PACRG: variants seen among roughly 807,000 people sequenced by gnomAD.
PACRG encodes the protein parkin coregulated, also known as parkin coregulated gene protein.
PACRG carries 29 observed loss-of-function variants against 29.7 expected under a neutral mutation model. That is an observed-to-expected ratio of 0.98 (90% confidence interval 0.73 to 1.33). PACRG has a LOEUF of 1.33. Ranked by LOEUF, PACRG falls within the 40% of genes most tolerant of loss-of-function variation. PACRG has a pLI of 0.00. For synonymous variants in PACRG, 116 were observed against 118.7 expected, an observed-to-expected ratio of 0.98 and a Z score of 0.15; for missense variants, 279 against 316.2, an observed-to-expected ratio of 0.88 and a Z score of 0.89.
At chr6:163,183,137 A>G (rs1779752031) in intron 4 of PACRG, 1 of 152,206 alleles carries the variant, frequency 6.6e-6, no homozygotes, top group East Asian at 1.9e-4. Context: ...GAAGGTATGA[A>G]GGCAAACATT....
intron 2 of PACRG, among the ~76,000 whole-genome samples, chr6:163,031,063 G>A (rs1219279120): frequency 6.6e-6 from 1 of 152,174 alleles, no homozygotes; most frequent in Non-Finnish European, 1.5e-5. Context: ...TCAGGGTAGA[G>A]AGGAGCTCAG....
At chr6:162,782,524 A>AT (rs1192685900) in intron 1 of PACRG, among the ~76,000 whole-genome samples, 5 of 151,950 alleles carry the variant, frequency 3.3e-5, no homozygotes, top group Non-Finnish European at 5.9e-5. Context: ...ATTTTAGATG[A>AT]TTTTTTCTTT....
At chr6:162,947,472 T>TCATATATATAATCATATATAATC (rs1554313124) in intron 2 of PACRG, among the ~76,000 whole-genome samples, 1 of 104,038 alleles carries the variant, frequency 9.6e-6, no homozygotes, top group Non-Finnish European at 1.9e-5. Context: ...TCATATATAA[T>TCATATATATAATCATATATAATC]ATATATATAA....
intron 4 of PACRG, among the ~76,000 whole-genome samples, chr6:163,107,064 T>G (rs1815422269): frequency 6.6e-6 from 1 of 152,098 alleles, no homozygotes; most frequent in African/African-American, 2.4e-5. Context: ...TGAATGTTTA[T>G]CTTGAGAGAA....
rs148151063 is a variant in PACRG at position 162,936,121 on chromosome 6, G to C, written c.291+121840G>C. Among the ~76,000 whole-genome samples, 639 of 152,254 alleles carry C rather than the reference G, an allele frequency of 4.2e-3. 3 individuals carry two copies. The highest frequency in any genetic ancestry group is 7.2e-3 in the Non-Finnish European group (493 of 68,030). The stretch of plus-strand genomic sequence containing the variant: ...CTGCAAGAGAGAGAATGAGAGTCAA[G>C]CTAAAGGGGTTTCCCCTTATAAAAC... On this transcript the variant is annotated intron_variant, in intron 2 of 4. Coordinates refer to ENST00000366888, the MANE Select transcript of PACRG (RefSeq NM_001080379.2).
At chr6:162,976,725 A>G (rs1801992200) in intron 2 of PACRG, among the ~76,000 whole-genome samples, 1 of 152,222 alleles carries the variant, frequency 6.6e-6, no homozygotes, top group Non-Finnish European at 1.5e-5. Context: ...TCTATAAAAC[A>G]ATATTTTCTT....
chr6:163,022,528 C>T (rs141375367), intron 2 of PACRG, among the ~76,000 whole-genome samples: 2,658 of 152,274 alleles, frequency 0.017, 38 homozygotes, highest in Non-Finnish European at 0.028. Context: ...GGAGTTCTGA[C>T]GAGGAGCAGC....
chr6:162,803,330 G>T (rs1020000696), intron 1 of PACRG, among the ~76,000 whole-genome samples: 10 of 152,166 alleles, frequency 6.6e-5, no homozygotes, highest in African/African-American at 2.4e-4. Context: ...TGTGACTAAT[G>T]CTTGAAGGGC....
chr6:163,092,085 T>G (rs1457157458), intron 4 of PACRG, among the ~76,000 whole-genome samples: 3 of 152,242 alleles, frequency 2.0e-5, no homozygotes, highest in Non-Finnish European at 4.4e-5. Context: ...TACAAAATTC[T>G]TTTTAGAATG....
intron 4 of PACRG, among the ~76,000 whole-genome samples, chr6:163,090,553 C>A (rs1814005499): frequency 6.6e-6 from 1 of 152,072 alleles, no homozygotes; most frequent in Non-Finnish European, 1.5e-5. Flanking sequence ...ATAATTGAGT[C>A]TCTTATTGTT....
chr6:162,953,727 C>G (rs955071601), intron 2 of PACRG, among the ~76,000 whole-genome samples: 1 of 149,388 alleles, frequency 6.7e-6, no homozygotes, highest in Non-Finnish European at 1.5e-5. Context: ...ATTTCTCTCT[C>G]TTATTGTTCC....
intron 2 of PACRG, among the ~76,000 whole-genome samples, chr6:162,948,288 T>G (rs975851633): frequency 1.3e-5 from 2 of 151,986 alleles, no homozygotes; most frequent in Admixed American, 6.6e-5. Context: ...ACAACATACA[T>G]AGGGGGAAAA....
chr6:163,140,124 T>C (rs1021395091), intron 4 of PACRG, among the ~76,000 whole-genome samples: 2 of 152,168 alleles, frequency 1.3e-5, no homozygotes, highest in Admixed American at 1.3e-4. Context: ...TCTATACACG[T>C]AGACCAAGCT....
At chr6:163,074,525 T>G (rs1228193044) in intron 3 of PACRG, among the ~76,000 whole-genome samples, 2 of 152,148 alleles carry the variant, frequency 1.3e-5, no homozygotes, top group Non-Finnish European at 2.9e-5. Context: ...GAAAACGACT[T>G]AATCATTCAT....
intron 4 of PACRG, among the ~76,000 whole-genome samples, chr6:163,263,846 G>T (rs1021436700): frequency 2.0e-5 from 3 of 152,138 alleles, no homozygotes; most frequent in Non-Finnish European, 1.5e-5. Flanking sequence ...TAAATAAGAA[G>T]CCTGACGTTA....
chr6:163,290,443 G>T (rs929211852), intron 4 of PACRG, among the ~76,000 whole-genome samples: 2 of 152,158 alleles, frequency 1.3e-5, no homozygotes, highest in African/African-American at 4.8e-5. Context: ...AAGTATTGCT[G>T]CCCCTGCGCC....
chr6:162,832,027 A>T (rs1788817350), intron 2 of PACRG, among the ~76,000 whole-genome samples: 1 of 152,184 alleles, frequency 6.6e-6, no homozygotes, highest in Non-Finnish European at 1.5e-5. Context: ...TATACCCAGG[A>T]ATGGGATTGC....
intron 4 of PACRG, chr6:163,182,937 C>A (rs980095718): frequency 7.9e-5 from 12 of 152,110 alleles, no homozygotes; most frequent in African/African-American, 2.7e-4. Context: ...AGAGAATCTG[C>A]GGGTCCTTAG....
At chr6:162,790,608 G>C (rs751120309) in intron 1 of PACRG, among the ~76,000 whole-genome samples, 1 of 151,758 alleles carries the variant, frequency 6.6e-6, no homozygotes, top group Non-Finnish European at 1.5e-5. Flanking sequence ...TTAATCACCC[G>C]TACTGCCCTT....
Sources: allele counts gnomAD v4.1 joint callset (sites outside exome capture counted in the v4.1 genomes callset), GRCh38; gene constraint gnomAD v4.1.1; transcripts MANE v1.5; gene names NCBI Gene and HGNC (gene_info 2026-07-23, HGNC 2026-07-21).